Variants in PHACTR1 observed in about 807,000 individuals in gnomAD.
The protein encoded by PHACTR1 is phosphatase and actin regulator 1.
Under a neutral mutation model 69.2 loss-of-function variants are expected in PHACTR1, and 16 were observed. The ratio of observed to expected loss-of-function variants is 0.23; its 90% CI spans 0.16 to 0.35. PHACTR1 has a LOEUF of 0.35. PHACTR1 is among the 10% of genes least tolerant of loss of function. The pLI is 1.00. For missense variants in PHACTR1, 510 were observed against 734.7 expected (o/e 0.69, Z 3.54); for synonymous variants, 312 against 284.5 (o/e 1.10, Z -0.97).
rs1780839335 is a variant in PHACTR1, at chr6:13,283,764, C to T, written c.1650+202C>T. The T allele has an allele frequency of 1.4e-6, 1 of 705,608 alleles. No homozygotes were observed. Among genetic ancestry groups the T allele is most frequent in the Non-Finnish European group, 2.3e-6 (1 of 432,156 alleles). The allele number at this position is 705,608 out of a possible 1,614,324, so 43.7% of individuals were successfully genotyped here. On this transcript the variant is annotated intron_variant, in intron 13 of 14. Transcript: ENST00000332995. The surrounding 1 kb of genome is among the most constrained non-coding windows in gnomAD (Gnocchi z 4.7). ...CTGCTGAATCGGAGAAAACACAAGG[C>T]ACATAATACTGTGCCCATTTTACAG...
chr6:13,054,916 G>A (rs1017058792), intron 5 of PHACTR1, among the ~76,000 whole-genome samples: 2 of 151,930 alleles, frequency 1.3e-5, no homozygotes, highest in African/African-American at 4.8e-5. Flanking sequence ...CTGCCTTCTC[G>A]CCTGCTCAGA....
chr6:12,935,093 G>A (rs986204289), intron 4 of PHACTR1, among the ~76,000 whole-genome samples: 3 of 152,092 alleles, frequency 2.0e-5, no homozygotes, highest in African/African-American at 7.2e-5. Flanking sequence ...GACACTGTGG[G>A]GGGCCATAGC....
At chr6:12,834,579 C>A (rs1179034188) in intron 4 of PHACTR1, among the ~76,000 whole-genome samples, 1 of 152,070 alleles carries the variant, frequency 6.6e-6, no homozygotes, top group Non-Finnish European at 1.5e-5. Context: ...ATAGATGTAG[C>A]TATGGCCAGG....
At chr6:12,774,821 G>T (rs1357475899) in intron 4 of PHACTR1, among the ~76,000 whole-genome samples, 3 of 152,218 alleles carry the variant, frequency 2.0e-5, no homozygotes, top group Admixed American at 6.5e-5. Context: ...TTTCAGGAAA[G>T]GGTATAGAAG....
intron 5 of PHACTR1, among the ~76,000 whole-genome samples, chr6:13,074,150 C>T (rs891290944): frequency 1.3e-5 from 2 of 152,152 alleles, no homozygotes; most frequent in African/African-American, 4.8e-5. Flanking sequence ...GGATTACAGG[C>T]GTGAGCCACT....
At chr6:12,850,960 A>G (rs930170176) in intron 4 of PHACTR1, among the ~76,000 whole-genome samples, 3 of 152,162 alleles carry the variant, frequency 2.0e-5, no homozygotes, top group African/African-American at 7.2e-5. Context: ...GGAATTCAGG[A>G]CTTCAATATG....
intron 4 of PHACTR1, among the ~76,000 whole-genome samples, chr6:12,844,889 G>A (rs1779051295): frequency 6.6e-6 from 1 of 152,144 alleles, no homozygotes; most frequent in South Asian, 2.1e-4. Flanking sequence ...CCTCTGCTTA[G>A]CCCTCTAGTG....
chr6:13,000,614 G>GGAAGGA (rs1797963638), intron 4 of PHACTR1, among the ~76,000 whole-genome samples: 1 of 103,650 alleles, frequency 9.6e-6, no homozygotes, highest in African/African-American at 4.6e-5. Context: ...GGAGGGAAGG[G>GGAAGGA]AGGAAGGAAG....
At chr6:12,962,072 G>A (rs947434476) in intron 4 of PHACTR1, among the ~76,000 whole-genome samples, 3 of 151,988 alleles carry the variant, frequency 2.0e-5, no homozygotes, top group South Asian at 4.2e-4. Flanking sequence ...GGGACCACAG[G>A]GGTATGACAC....
At chr6:13,013,579 G>A (rs1799695479) in intron 4 of PHACTR1, among the ~76,000 whole-genome samples, 1 of 152,202 alleles carries the variant, frequency 6.6e-6, no homozygotes, top group Non-Finnish European at 1.5e-5. Flanking sequence ...GATTTCCGGA[G>A]GGGTGGGGCT....
rs540885663 is a variant in PHACTR1, at chr6:12,963,771, G to A, written c.251-89594G>A. On this transcript the variant is annotated intron_variant, in intron 4 of 14. Transcript: ENST00000332995. ...AGTTTGCCCAAGCTTCAAGCTATTT[G>A]GATGCAGTGAACTCGCCAAGTGTGA... is the stretch of plus-strand genomic sequence containing the variant. Among the ~76,000 whole-genome samples, 3 of 152,288 alleles carry A rather than the reference G, an allele frequency of 2.0e-5. No homozygotes were observed. In the South Asian group the frequency reaches 6.2e-4, roughly 32 times the overall value.
At chr6:13,235,941 G>A (rs891399864) in intron 10 of PHACTR1, among the ~76,000 whole-genome samples, 1 of 152,184 alleles carries the variant, frequency 6.6e-6, no homozygotes, top group Non-Finnish European at 1.5e-5. Flanking sequence ...AATGGAAAGT[G>A]CCTCACCATA....
At chr6:12,996,166 G>T (rs1488607733) in intron 4 of PHACTR1, among the ~76,000 whole-genome samples, 1 of 151,978 alleles carries the variant, frequency 6.6e-6, no homozygotes, top group East Asian at 1.9e-4. Flanking sequence ...CAATAAATAT[G>T]AAAAGATACA....
At chr6:13,118,522 A>G (rs1467972457) in intron 5 of PHACTR1, among the ~76,000 whole-genome samples, 1 of 120,436 alleles carries the variant, frequency 8.3e-6, no homozygotes, top group Non-Finnish European at 1.6e-5. Context: ...TTTGTTGCCC[A>G]GGCTGGAGTG....
At chr6:12,804,802 A>G (rs1050562979) in intron 4 of PHACTR1, among the ~76,000 whole-genome samples, 4 of 152,212 alleles carry the variant, frequency 2.6e-5, no homozygotes, top group African/African-American at 9.7e-5. Flanking sequence ...CTGTTTCAAA[A>G]TAAAAAATAT....
chr6:12,757,283 T>G (rs954808431), intron 4 of PHACTR1, among the ~76,000 whole-genome samples: 3 of 152,022 alleles, frequency 2.0e-5, no homozygotes, highest in Admixed American at 6.6e-5. Context: ...ACTAGAGTGT[T>G]CCTGGCATGG....
At chr6:13,249,774 G>A (rs1207820082) in intron 10 of PHACTR1, among the ~76,000 whole-genome samples, 1 of 148,542 alleles carries the variant, frequency 6.7e-6, no homozygotes, top group Non-Finnish European at 1.5e-5. Context: ...ACTCCAGCCT[G>A]GGCAACAGAG....
chr6:12,780,640 C>A (rs963879674), intron 4 of PHACTR1, among the ~76,000 whole-genome samples: 2 of 152,140 alleles, frequency 1.3e-5, no homozygotes, highest in African/African-American at 2.4e-5. Context: ...CAACTCTGAG[C>A]GTAAACAGCG....
In PHACTR1 at chr6:12,807,889, G is replaced by A. The variant is rs145897946; in HGVS notation, c.250+58099G>A. On this transcript the variant is annotated intron_variant, in intron 4 of 14. Transcript: ENST00000332995. ...AATATTCTTTGCATCACTGTGTCTCGTAAAATGTCGTTGCCCAATAAAGTG... is the reference window on the plus strand; with the variant it reads ...AATATTCTTTGCATCACTGTGTCTCATAAAATGTCGTTGCCCAATAAAGTG... Among the ~76,000 whole-genome samples, 840 of 152,294 alleles carry A rather than the reference G, an allele frequency of 5.5e-3. 10 individuals are homozygous for A. The highest frequency in any genetic ancestry group is 0.019 in the African/African-American group (801 of 41,556).
Sources: allele counts gnomAD v4.1 joint callset (sites outside exome capture counted in the v4.1 genomes callset), GRCh38; gene constraint gnomAD v4.1.1; non-coding constraint Gnocchi (gnomAD v3.1); transcripts MANE v1.5; gene names NCBI Gene and HGNC (gene_info 2026-07-23, HGNC 2026-07-21).